NECAB1: variants seen among roughly 807,000 people sequenced by gnomAD.
NECAB1 encodes the protein N-terminal EF-hand calcium-binding protein 1.
Under a neutral mutation model 57.5 loss-of-function variants are expected in NECAB1, and 29 were observed. The observed-to-expected ratio is 0.50, with a 90% confidence interval of 0.38 to 0.69. The LOEUF (loss-of-function observed/expected upper bound fraction) is 0.69, where lower values mean the gene tolerates loss of function less well. NECAB1 is among the 30% of genes least tolerant of loss of function. The probability of loss-of-function intolerance (pLI) is 0.00; values close to 1 mark genes in which losing one functional copy is unlikely to be tolerated. For synonymous variants in NECAB1, 142 were observed against 147.7 expected, an observed-to-expected ratio of 0.96 and a Z score of 0.28; for missense variants, 372 against 413.8, an observed-to-expected ratio of 0.90 and a Z score of 0.88.
chr8:90,915,285 T>C lies in NECAB1; in HGVS notation c.358-2207T>C, dbSNP rs191768935. 1.7e-3 allele frequency among the ~76,000 whole-genome samples: 265 copies of C among 152,260 alleles called. 2 individuals are homozygous for C. Among genetic ancestry groups the C allele is most frequent in the Middle Eastern group, 6.8e-3 (2 of 292 alleles). ...GGAAAAGACTCAAACACACCTTTTT[T>C]TCTATCATCACATTTTCTTTCAACC... On this transcript the variant is annotated intron_variant, in intron 5 of 12. Coordinates refer to ENST00000417640, the MANE Select transcript of NECAB1 (RefSeq NM_022351.5).
intron 5 of NECAB1, among the ~76,000 whole-genome samples, chr8:90,910,021 C>T (rs918464224): frequency 3.3e-5 from 5 of 151,662 alleles, no homozygotes; most frequent in African/African-American, 1.2e-4. Context: ...ATTTTAAAAG[C>T]TTTCTTTCCT....
intron 2 of NECAB1, among the ~76,000 whole-genome samples, chr8:90,815,890 G>A (rs1369411302): frequency 6.6e-6 from 1 of 151,868 alleles, no homozygotes; most frequent in East Asian, 1.9e-4. Context: ...TTCACAGGCA[G>A]GTTTTTAAGT....
At chr8:90,923,052 G>T (rs1418697253) in intron 6 of NECAB1, among the ~76,000 whole-genome samples, 1 of 152,116 alleles carries the variant, frequency 6.6e-6, no homozygotes, top group Admixed American at 6.6e-5. Context: ...ACTGAAGCAG[G>T]CAATGTAAGA....
chr8:90,891,812 G>C (rs1809179078), intron 5 of NECAB1, among the ~76,000 whole-genome samples: 1 of 151,838 alleles, frequency 6.6e-6, no homozygotes, highest in Non-Finnish European at 1.5e-5. Context: ...TCCTGCCTCA[G>C]CCTCCCAAGT....
At chr8:90,808,346 T>C (rs1279162731) in intron 2 of NECAB1, among the ~76,000 whole-genome samples, 1 of 152,176 alleles carries the variant, frequency 6.6e-6, no homozygotes, top group Non-Finnish European at 1.5e-5. Context: ...TGCAATTTAA[T>C]CGTCTACTCT....
At chr8:90,819,614 A>C (rs897551089) in intron 2 of NECAB1, among the ~76,000 whole-genome samples, 2 of 151,908 alleles carry the variant, frequency 1.3e-5, no homozygotes, top group Non-Finnish European at 2.9e-5. Flanking sequence ...CACCAATATC[A>C]TACAGGAGTC....
chr8:90,924,031 A>G (rs577420941), intron 6 of NECAB1, among the ~76,000 whole-genome samples: 1 of 152,338 alleles, frequency 6.6e-6, no homozygotes, highest in African/African-American at 2.4e-5. Flanking sequence ...AATGCTAATA[A>G]AAGTCCAACA....
chr8:90,844,033 A>G (rs1400460509), intron 3 of NECAB1, among the ~76,000 whole-genome samples: 2 of 152,202 alleles, frequency 1.3e-5, no homozygotes, highest in Non-Finnish European at 2.9e-5. Context: ...GGTGGGTAGA[A>G]AAGGAAAATG....
chr8:90,839,953 A>C (rs1812429222), intron 3 of NECAB1, among the ~76,000 whole-genome samples: 4 of 152,178 alleles, frequency 2.6e-5, no homozygotes. Context: ...GAGACAGCAA[A>C]ACCAGGTAAG....
chr8:90,893,414 T>C (rs1809237382), intron 5 of NECAB1, among the ~76,000 whole-genome samples: 1 of 152,120 alleles, frequency 6.6e-6, no homozygotes. Context: ...AAAATATATA[T>C]CGGCTCCCAG....
chr8:90,893,276 C>T lies in NECAB1; in HGVS notation c.357+12146C>T, dbSNP rs180821922. Reference sequence around the variant, plus strand: ...GAGGGGAGATTAGGTGTTTTCAAACCGCCTCTTGCACATCCCCATGGTAGC... The same window carrying T: ...GAGGGGAGATTAGGTGTTTTCAAACTGCCTCTTGCACATCCCCATGGTAGC... On this transcript the variant is annotated intron_variant, in intron 5 of 12. Transcript: ENST00000417640. Among the ~76,000 whole-genome samples, 205 of 152,208 alleles carry T rather than the reference C, an allele frequency of 1.3e-3. 1 individual carries two copies. Among genetic ancestry groups the T allele is most frequent in the Non-Finnish European group, 1.7e-3 (118 of 68,014 alleles).
intron 1 of NECAB1, among the ~76,000 whole-genome samples, chr8:90,800,779 C>G (rs1196876661): frequency 6.6e-6 from 1 of 152,184 alleles, no homozygotes. Context: ...CTGTCATTCA[C>G]TGGCCCTAAT....
chr8:90,925,512 A>C, intron 6 of NECAB1, 23 bp from the exon 7 acceptor site: 1 of 1,608,858 alleles, frequency 6.2e-7, no homozygotes. Flanking sequence ...CATTAAGGTT[A>C]AATGTTATCT....
chr8:90,950,213 CA>C (rs1810897974), intron 11 of NECAB1, among the ~76,000 whole-genome samples: 1 of 151,730 alleles, frequency 6.6e-6, no homozygotes, highest in African/African-American at 2.4e-5. Flanking sequence ...AAAGGATGGA[CA>C]AAAGTGAGGT....
chr8:90,881,198 A>G, intron 5 of NECAB1, 68 bp downstream of exon 5: 3 of 1,103,434 alleles, frequency 2.7e-6, no homozygotes, highest in South Asian at 1.4e-5. Flanking sequence ...CTTGAAAATC[A>G]TACCTATTTT....
At chr8:90,934,442 G>T in intron 9 of NECAB1, 85 bp downstream of exon 9, 2 of 896,962 alleles carry the variant, frequency 2.2e-6, no homozygotes, top group South Asian at 4.1e-5. Context: ...TTATCTCAAT[G>T]AAAAATTGAA....
At chr8:90,855,014 G>T (rs1343177462) in intron 3 of NECAB1, among the ~76,000 whole-genome samples, 3 of 152,216 alleles carry the variant, frequency 2.0e-5, no homozygotes, top group Non-Finnish European at 4.4e-5. Context: ...AATAGACAGT[G>T]CCCTTTGTCT....
intron 5 of NECAB1, among the ~76,000 whole-genome samples, chr8:90,892,532 G>A (rs1645341555): frequency 6.6e-6 from 1 of 152,190 alleles, no homozygotes; most frequent in Admixed American, 6.5e-5. Context: ...CGCAAAAGGT[G>A]ATTGTCATAT....
At chr8:90,838,688 CACAA>C (rs58848276) in intron 3 of NECAB1, among the ~76,000 whole-genome samples, 200 of 152,344 alleles carry the variant, frequency 1.3e-3, no homozygotes, top group African/African-American at 4.6e-3. Context: ...ACAAACTCCA[CACAA>C]ACAGTGGCCT....
Sources: allele counts gnomAD v4.1 joint callset (sites outside exome capture counted in the v4.1 genomes callset), GRCh38; gene constraint gnomAD v4.1.1; transcripts MANE v1.5; gene names NCBI Gene and HGNC (gene_info 2026-07-23, HGNC 2026-07-21).